The following SH2D6 variants were observed in gnomAD, a reference collection of about 807,000 sequenced individuals.
SH2D6 encodes SH2 domain containing 6, also known as SH2 domain-containing protein 6.
SH2D6 carries 31 observed loss-of-function variants against 30.2 expected under a neutral mutation model. The ratio of observed to expected loss-of-function variants is 1.03; its 90% CI spans 0.77 to 1.38. SH2D6 has a LOEUF of 1.38. SH2D6 is among the 40% of genes most tolerant of loss of function. The probability of loss-of-function intolerance (pLI) is 0.00; values close to 1 mark genes in which losing one functional copy is unlikely to be tolerated. For synonymous variants in SH2D6, 93 were observed against 104.6 expected (o/e 0.89, Z 0.68); for missense variants, 240 against 266.8 (o/e 0.90, Z 0.70).
chr2:85,424,087 A>C (rs1191206861), intron 5 of SH2D6, among the ~76,000 whole-genome samples: 1 of 151,770 alleles, frequency 6.6e-6, no homozygotes, highest in African/African-American at 2.4e-5. Flanking sequence ...CTGTCCCCCT[A>C]TTTCCTCAGG....
rs1183461980 is a variant in SH2D6, at chr2:85,434,205, G to A, written c.533+94G>A. ...TCAGGCTTCCCCAGCCCTGACCCTGGGATGGAATCTCCTTGCACTGTCCCA... is the reference window on the plus strand; with the variant it reads ...TCAGGCTTCCCCAGCCCTGACCCTGAGATGGAATCTCCTTGCACTGTCCCA... On this transcript the variant is annotated intron_variant, in intron 17 of 23. Coordinates refer to ENST00000469800, the MANE Select transcript of SH2D6 (RefSeq NM_001394463.1). 7.9e-6 allele frequency: 12 copies of A among 1,523,758 alleles called. No homozygotes were observed. The African/African-American group carries it at 1.4e-4, about 17-fold the overall frequency. 94.4% of individuals were successfully genotyped at this position (1,523,758 alleles called of 1,614,324 possible).
At chr2:85,428,289 T>C (rs1288915198) in intron 6 of SH2D6, among the ~76,000 whole-genome samples, 1 of 152,140 alleles carries the variant, frequency 6.6e-6, no homozygotes, top group Non-Finnish European at 1.5e-5. Context: ...TTGCTTAGCC[T>C]TTAGGGCACA....
At chr2:85,424,817 C>G (rs1259492085) in intron 5 of SH2D6, among the ~76,000 whole-genome samples, 1 of 151,362 alleles carries the variant, frequency 6.6e-6, no homozygotes, top group Admixed American at 6.6e-5. Context: ...CCTGTAATCC[C>G]AGCACTTTGG....
chr2:85,428,916 G>A (rs963255925), intron 7 of SH2D6, among the ~76,000 whole-genome samples: 2 of 152,150 alleles, frequency 1.3e-5, no homozygotes, highest in African/African-American at 4.8e-5. Flanking sequence ...ACAGCCTCTG[G>A]CAGACAGTGG....
intron 17 of SH2D6, 21 bp downstream of exon 17, chr2:85,434,132 G>A: frequency 6.5e-7 from 1 of 1,549,090 alleles, no homozygotes; most frequent in Non-Finnish European, 8.7e-7. Context: ...CACCAGGTGT[G>A]CACCTGTGTG....
intron 19 of SH2D6, 183 bp from the exon 20 acceptor site, chr2:85,434,882 C>G: frequency 6.4e-7 from 1 of 1,556,922 alleles, no homozygotes; most frequent in Non-Finnish European, 8.7e-7. Context: ...CGAGGCCTGG[C>G]TGGTGGGTCC....
At chr2:85,434,189 C>A in intron 17 of SH2D6, 78 bp downstream of exon 17, 1 of 1,528,664 alleles carries the variant, frequency 6.5e-7, no homozygotes, top group East Asian at 2.5e-5. Flanking sequence ...TTCAGGCTTC[C>A]CCAGCCCTGA....
chr2:85,435,352 C>A, intron 20 of SH2D6, 61 bp from the exon 21 acceptor site: 1 of 1,566,140 alleles, frequency 6.4e-7, no homozygotes, highest in South Asian at 1.1e-5. Context: ...CCTGGGTCCT[C>A]GGCTCCGCAT....
intron 5 of SH2D6, among the ~76,000 whole-genome samples, chr2:85,422,918 A>T (rs989946552): frequency 6.6e-6 from 1 of 152,028 alleles, no homozygotes; most frequent in Non-Finnish European, 1.5e-5. Flanking sequence ...ATGGTGTTTC[A>T]CTCTTGTCAC....
intron 19 of SH2D6, 70 bp from the exon 20 acceptor site, chr2:85,434,995 C>T: frequency 1.3e-6 from 2 of 1,551,068 alleles, no homozygotes; most frequent in Non-Finnish European, 1.7e-6. Flanking sequence ...GCAGCTGTCC[C>T]CTAGAAGCCA....
chr2:85,420,712 C>T lies in SH2D6; in HGVS notation c.-577+1468C>T, dbSNP rs945553980. On this transcript the variant is annotated intron_variant, in intron 2 of 23. Transcript: ENST00000469800. The stretch of plus-strand genomic sequence containing the variant: ...TCTTTCGCTCTGCGGGCCTTGCCTT[C>T]ATTTACCTTCCTGATAACTAAAGCC... The T allele has an allele frequency of 2.0e-5, 3 of 152,400 alleles. No individual in the cohort carries two copies. In the South Asian group the frequency reaches 6.2e-4, roughly 32 times the overall value. The allele number at this position is 152,400 out of a possible 1,614,324, so 9.4% of individuals were successfully genotyped here.
intron 2 of SH2D6, among the ~76,000 whole-genome samples, chr2:85,419,574 A>G (rs1410257061): frequency 6.6e-6 from 1 of 151,190 alleles, no homozygotes; most frequent in Non-Finnish European, 1.5e-5. Context: ...TTACACCTGT[A>G]TCGGGAGCAG....
rs763443513 is a variant in SH2D6, at chr2:85,430,991, C to T, written c.251-219C>T. ...GGGGTGCTGGGAGAGCCCCGGCTGC[C>T]GCTGGCATCCCACCCCCACTGCTCA... On this transcript the variant is annotated intron_variant, in intron 12 of 23. Transcript: ENST00000469800. This position sits in a 1 kb window ranked among gnomAD's most constrained non-coding sequence, Gnocchi z 4.3. 2.0e-5 allele frequency among the ~76,000 whole-genome samples: 3 copies of T among 151,284 alleles called. No homozygotes were observed. The highest frequency in any genetic ancestry group is 7.3e-5 in the African/African-American group (3 of 41,366).
chr2:85,433,282 A>G (rs1275349387), intron 15 of SH2D6, among the ~76,000 whole-genome samples, 161 bp downstream of exon 15: 1 of 152,216 alleles, frequency 6.6e-6, no homozygotes, highest in Non-Finnish European at 1.5e-5. Context: ...CTGGCAGGCA[A>G]TGAGCCAGCT....
At chr2:85,431,607 CT>C (rs1360912364) in intron 13 of SH2D6, among the ~76,000 whole-genome samples, 7 of 152,222 alleles carry the variant, frequency 4.6e-5, no homozygotes, top group African/African-American at 1.7e-4. Flanking sequence ...AAAGAAATCC[CT>C]TCCTCAGCTG....
At position 85,434,128 on chromosome 2, in the gene SH2D6, G is replaced by T. The variant is rs1336794409; in HGVS notation, c.533+17G>T. Reference sequence around the variant, plus strand: ...GGTGCCCAGGTAAGTGCCCCACCAGGTGTGCACCTGTGTGTATGTATGTGA... The same window carrying T: ...GGTGCCCAGGTAAGTGCCCCACCAGTTGTGCACCTGTGTGTATGTATGTGA... On this transcript the variant is annotated intron_variant, in intron 17 of 23. Coordinates refer to ENST00000469800, the MANE Select transcript of SH2D6 (RefSeq NM_001394463.1). The T allele has an allele frequency of 7.1e-6, 11 of 1,548,944 alleles. No individual in the cohort carries two copies. The highest frequency in any genetic ancestry group is 7.0e-6 in the Non-Finnish European group (8 of 1,145,684).
chr2:85,425,090 T>G (rs775553223), intron 5 of SH2D6, among the ~76,000 whole-genome samples: 1 of 151,708 alleles, frequency 6.6e-6, no homozygotes, highest in Non-Finnish European at 1.5e-5. Flanking sequence ...AATAAATAAA[T>G]AGTCCCAACA....
chr2:85,431,532 G>A (rs1170943545), intron 13 of SH2D6, among the ~76,000 whole-genome samples: 1 of 152,028 alleles, frequency 6.6e-6, no homozygotes, highest in East Asian at 1.9e-4. Flanking sequence ...TGAGGGGGAG[G>A]GGAGGGGCTC....
In SH2D6 at chr2:85,434,937, G is replaced by A. The variant is rs187912942; in HGVS notation, c.590-128G>A. The A allele has an allele frequency of 2.2e-4, 358 of 1,600,230 alleles. 1 individual carries two copies. In the African/African-American group the frequency reaches 3.1e-3, roughly 14 times the overall value. ...GAGAGTGGAGGAAGCACTGGGTGCC[G>A]GGGTTTGGGCTCGGGGCCATGTACG... On this transcript the variant is annotated intron_variant, in intron 19 of 23. Coordinates refer to ENST00000469800, the MANE Select transcript of SH2D6 (RefSeq NM_001394463.1).
Sources: allele counts gnomAD v4.1 joint callset (sites outside exome capture counted in the v4.1 genomes callset), GRCh38; gene constraint gnomAD v4.1.1; non-coding constraint Gnocchi (gnomAD v3.1); transcripts MANE v1.5; gene names NCBI Gene and HGNC (gene_info 2026-07-23, HGNC 2026-07-21).